The following SETX variants were observed in gnomAD, a reference collection of about 807,000 sequenced individuals.
The protein encoded by SETX is helicase senataxin.
A neutral mutation model predicts 227.2 loss-of-function variants in SETX; 90 were observed. That is an observed-to-expected ratio of 0.40 (90% CI 0.33 to 0.47). The LOEUF (loss-of-function observed/expected upper bound fraction) is 0.47, where lower values mean the gene tolerates loss of function less well. SETX is among the 20% of genes least tolerant of loss of function. The pLI, the probability that SETX is intolerant of heterozygous loss-of-function variation, is 0.91. For synonymous variants in SETX, 1,210 were observed against 1,113.2 expected (o/e 1.09, Z -1.73); for missense variants, 3,052 against 3,181.5 (o/e 0.96, Z 0.98).
At chr9:132,325,280 C>T (rs1420969425) in intron 10 of SETX, among the ~76,000 whole-genome samples, 4 of 151,976 alleles carry the variant, frequency 2.6e-5, no homozygotes, top group East Asian at 3.9e-4. Context: ...AGCCTGAACC[C>T]GGGAGGCAGA....
intron 15 of SETX, among the ~76,000 whole-genome samples, chr9:132,294,081 T>C (rs73547016): frequency 0.056 from 8,451 of 152,114 alleles, 801 homozygotes; most frequent in African/African-American, 0.19. Flanking sequence ...TGCCTCACCT[T>C]AGTCCTGGCC....
chr9:132,338,733 T>C (rs1271720083), intron 5 of SETX, among the ~76,000 whole-genome samples: 2 of 152,188 alleles, frequency 1.3e-5, no homozygotes, highest in Non-Finnish European at 1.5e-5. Context: ...ATTTTTTGTA[T>C]TGTTAGTAAT....
chr9:132,335,461 T>C (rs909584790), intron 6 of SETX, among the ~76,000 whole-genome samples: 1 of 136,326 alleles, frequency 7.3e-6, no homozygotes, highest in African/African-American at 2.6e-5. Flanking sequence ...CTGTCAACTC[T>C]TTCTACCAGG....
At chr9:132,311,912 A>G in intron 10 of SETX, 56 bp from the exon 11 acceptor site, 1 of 1,304,732 alleles carries the variant, frequency 7.7e-7, no homozygotes. Flanking sequence ...GTGATGCTAA[A>G]TAGTAACATT....
intron 2 of SETX, 59 bp from the exon 3 acceptor site, chr9:132,349,494 A>G (rs1848494260): frequency 6.5e-7 from 1 of 1,541,358 alleles, no homozygotes; most frequent in Non-Finnish European, 9.0e-7. Flanking sequence ...CTGTGTGTCA[A>G]GAATAGGTAC....
At chr9:132,292,516 C>A (rs1480365258) in intron 15 of SETX, among the ~76,000 whole-genome samples, 10 of 144,914 alleles carry the variant, frequency 6.9e-5, no homozygotes, top group Non-Finnish European at 1.5e-4. Flanking sequence ...AAAAAAAAGA[C>A]AACAAATAAA....
chr9:132,314,147 C>T (rs971372542), intron 10 of SETX, among the ~76,000 whole-genome samples: 1 of 152,098 alleles, frequency 6.6e-6, no homozygotes, highest in Admixed American at 6.5e-5. Context: ...GGCGGGAGTG[C>T]AATGGTGCGA....
At chr9:132,324,702 T>A (rs1370331637) in intron 10 of SETX, among the ~76,000 whole-genome samples, 5 of 152,274 alleles carry the variant, frequency 3.3e-5, no homozygotes, top group African/African-American at 1.2e-4. Flanking sequence ...CACCACTTTA[T>A]CTCCCATGCT....
intron 2 of SETX, among the ~76,000 whole-genome samples, chr9:132,350,939 T>C (rs575353577): frequency 6.6e-6 from 1 of 152,260 alleles, no homozygotes; most frequent in African/African-American, 2.4e-5. Flanking sequence ...AGCCGCAGAG[T>C]ACCGCCCTTT....
At chr9:132,337,096 T>G (rs1328903864) in intron 5 of SETX, among the ~76,000 whole-genome samples, 3 of 151,256 alleles carry the variant, frequency 2.0e-5, no homozygotes, top group East Asian at 1.9e-4. Flanking sequence ...ATATTTTTCG[T>G]TTTTTTTAAG....
At chr9:132,269,359 A>C (rs1219465918) in intron 25 of SETX, 1 of 1,391,474 alleles carries the variant, frequency 7.2e-7, no homozygotes, top group Non-Finnish European at 9.6e-7. Flanking sequence ...ATACCTTCTT[A>C]ACAATAATCC....
intron 15 of SETX, among the ~76,000 whole-genome samples, chr9:132,293,485 G>A (rs1054596308): frequency 6.6e-6 from 1 of 152,026 alleles, no homozygotes; most frequent in Non-Finnish European, 1.5e-5. Flanking sequence ...TCAAGGGCGC[G>A]ATCTCGGCTC....
chr9:132,346,207 ATGG>A (rs1401521606), intron 4 of SETX, 51 bp downstream of exon 4: 3 of 1,418,618 alleles, frequency 2.1e-6, no homozygotes. Context: ...CTAAATTCTT[ATGG>A]TACTAAAATA....
intron 4 of SETX, among the ~76,000 whole-genome samples, chr9:132,345,734 G>C (rs1298951780): frequency 6.6e-6 from 1 of 152,112 alleles, no homozygotes; most frequent in African/African-American, 2.4e-5. Context: ...AAAATGTTGA[G>C]AGCCAGGCAT....
intron 7 of SETX, among the ~76,000 whole-genome samples, chr9:132,333,408 A>T (rs13290303): frequency 0.85 from 61,540 of 72,168 alleles, 26,702 homozygotes; most frequent in Non-Finnish European, 0.89. Context: ...GAAAAAAAAA[A>T]ATATATATAC....
chr9:132,276,767 G>A (rs1843184870), intron 22 of SETX, among the ~76,000 whole-genome samples: 1 of 152,168 alleles, frequency 6.6e-6, no homozygotes, highest in Admixed American at 6.5e-5. Flanking sequence ...TGCTTACCCA[G>A]GTGATGACCT....
chr9:132,306,012 C>T (rs1845316478), intron 11 of SETX, among the ~76,000 whole-genome samples: 1 of 152,158 alleles, frequency 6.6e-6, no homozygotes, highest in Non-Finnish European at 1.5e-5. Flanking sequence ...GAAAAATCTG[C>T]AATTATTTCA....
rs758396058 is a variant in SETX at position 132,264,531 on chromosome 9, T to G, written c.7742A>C (p.His2581Pro). Residue 2581 changes from histidine (H) to proline (P), a missense_variant, in exon 26 of 26, where the codon CAC (histidine) becomes CCC (proline). His to Pro is a moderately conservative substitution (Grantham distance 77). Around this residue, in one of 10 missense-constraint regions of SETX, gnomAD observed 294 missense variants for 278.8 expected, o/e 1.05. Transcript: ENST00000224140. ...CTGCTGTATATGGCTCAGGTCCTGG[T>G]GAACGACAGGGAAGCCCGGCTCGCC... is the stretch of plus-strand genomic sequence containing the variant. ...PTGEPGFPVV[H>P]QDLSHIQQPA... The G allele has an allele frequency of 3.1e-6, 5 of 1,613,942 alleles. No homozygotes were observed. The highest frequency in any genetic ancestry group is 3.4e-6 in the Non-Finnish European group (4 of 1,179,948).
At position 132,327,536 on chromosome 9, in the gene SETX, G is replaced by T. The variant is rs370370665; in HGVS notation, c.4062C>A (p.Ile1354=). Residue 1354 remains isoleucine (I), a synonymous_variant, in exon 10 of 26, where the codon ATC becomes ATA. Coordinates refer to ENST00000224140, the MANE Select transcript of SETX (RefSeq NM_015046.7). ...GTCTATTTTTTTGTGATTTGGGTCT[G>T]ATCTGCCTTTGCATCTGAAGTTCTT... ...TSQELQMQRQ[I]RPKSQKNRRR... 2 of 1,613,886 alleles carry T rather than the reference G, an allele frequency of 1.2e-6. No individual in the cohort carries two copies. Among genetic ancestry groups the T allele is most frequent in the Non-Finnish European group, 1.7e-6 (2 of 1,180,024 alleles).
Sources: allele counts gnomAD v4.1 joint callset (sites outside exome capture counted in the v4.1 genomes callset), GRCh38; gene constraint gnomAD v4.1.1; regional missense constraint gnomAD v4.1.1; transcripts MANE v1.5; gene names NCBI Gene and HGNC (gene_info 2026-07-23, HGNC 2026-07-21).